Variants in FBXO36 observed in about 807,000 individuals in gnomAD.
The protein encoded by FBXO36 is F-box only protein 36.
FBXO36 carries 18 observed loss-of-function variants against 17.0 expected under a neutral mutation model. The ratio of observed to expected loss-of-function variants is 1.06; its 90% CI spans 0.73 to 1.57. FBXO36 has a LOEUF of 1.57. FBXO36 is among the 40% of genes most tolerant of loss of function. The pLI is 0.00. For synonymous variants in FBXO36, 83 were observed against 85.3 expected (o/e 0.97, Z 0.15); for missense variants, 229 against 221.9 (o/e 1.03, Z -0.20).
In FBXO36 at chr2:229,987,992, C is replaced by T. The variant is rs574472251; in HGVS notation, c.206-8759C>T. 2.0e-5 allele frequency among the ~76,000 whole-genome samples: 3 copies of T among 152,290 alleles called. No individual in the cohort carries two copies. The South Asian group carries it at 6.2e-4, about 32-fold the overall frequency. On this transcript the variant is annotated intron_variant, in intron 2 of 3. Coordinates refer to ENST00000283946, the MANE Select transcript of FBXO36 (RefSeq NM_174899.5). ...AAATTTTCTTTAACTGCTGCTTTACCTACATAGACAAGTTTTGATAACTTG... is the reference window on the plus strand; with the variant it reads ...AAATTTTCTTTAACTGCTGCTTTACTTACATAGACAAGTTTTGATAACTTG...
intron 1 of FBXO36, among the ~76,000 whole-genome samples, chr2:229,947,094 G>A (rs986137908): frequency 1.3e-5 from 2 of 151,076 alleles, no homozygotes; most frequent in African/African-American, 4.9e-5. Flanking sequence ...CTTGAACCCG[G>A]GAGGCGGAGG....
At chr2:230,004,945 G>T (rs1270920025) in intron 3 of FBXO36, among the ~76,000 whole-genome samples, 1 of 152,100 alleles carries the variant, frequency 6.6e-6, no homozygotes, top group African/African-American at 2.4e-5. Context: ...GGCAGAGTTT[G>T]CAGTGAGCCG....
In FBXO36 at chr2:230,012,408, G is replaced by A. The variant is rs962565429; in HGVS notation, c.*1524G>A. 2.0e-5 allele frequency: 3 copies of A among 146,944 alleles called. No individual in the cohort carries two copies. The highest frequency in any genetic ancestry group is 7.3e-5 in the African/African-American group (3 of 41,080). 9.1% of individuals were successfully genotyped at this position (146,944 alleles called of 1,614,324 possible). ...CCCTCTCTGCTTCTCATTGCTGGAG[G>A]TACACACAGTCAAAAGTTTTCCGTG... On this transcript the variant is annotated 3_prime_UTR_variant, in exon 4 of 4. Coordinates refer to ENST00000283946, the MANE Select transcript of FBXO36 (RefSeq NM_174899.5).
At chr2:229,958,164 T>TA (rs1167894281) in intron 1 of FBXO36, among the ~76,000 whole-genome samples, 46 of 149,388 alleles carry the variant, frequency 3.1e-4, no homozygotes, top group Non-Finnish European at 5.6e-4. Context: ...TAATGCAAAT[T>TA]AAAAAAAAAA....
intron 3 of FBXO36, among the ~76,000 whole-genome samples, chr2:230,004,591 G>A (rs955175316): frequency 1.3e-5 from 2 of 152,256 alleles, no homozygotes; most frequent in Middle Eastern, 3.4e-3. Flanking sequence ...CCATATGTGT[G>A]TGGGATGTGC....
Position 229,987,081 on chromosome 2 carries a change from G to A in FBXO36, c.206-9670G>A, listed in dbSNP as rs186081660. Among the ~76,000 whole-genome samples, 622 of 151,634 alleles carry A rather than the reference G, an allele frequency of 4.1e-3. 7 individuals carry two copies. The highest frequency in any genetic ancestry group is 0.013 in the African/African-American group (545 of 41,348). On this transcript the variant is annotated intron_variant, in intron 2 of 3. Transcript: ENST00000283946. ...AAAAATATAAAAAAATTAGCCAGGCGTGTTGGCGCACAACTGTAATCCCAG... is the reference window on the plus strand; with the variant it reads ...AAAAATATAAAAAAATTAGCCAGGCATGTTGGCGCACAACTGTAATCCCAG...
chr2:229,937,432 T>G (rs1012595780), intron 1 of FBXO36, among the ~76,000 whole-genome samples: 2 of 151,978 alleles, frequency 1.3e-5, no homozygotes, highest in African/African-American at 4.8e-5. Context: ...GAGGCGGAGG[T>G]TGCAGTGAGC....
intron 1 of FBXO36, among the ~76,000 whole-genome samples, chr2:229,963,359 C>T (rs1001293908): frequency 2.6e-5 from 4 of 151,772 alleles, no homozygotes; most frequent in Admixed American, 1.3e-4. Flanking sequence ...CGACCGTGCC[C>T]GGCCCCCCAG....
At chr2:229,980,574 C>T (rs953984063) in intron 2 of FBXO36, among the ~76,000 whole-genome samples, 1 of 152,060 alleles carries the variant, frequency 6.6e-6, no homozygotes, top group Non-Finnish European at 1.5e-5. Flanking sequence ...CTGCTCCAGG[C>T]ACCTTCCAAG....
At chr2:229,943,121 C>T (rs890692993) in intron 1 of FBXO36, 1 of 152,274 alleles carries the variant, frequency 6.6e-6, no homozygotes, top group Admixed American at 6.5e-5. Context: ...AACCAGGGTC[C>T]AGCAGTCATG....
intron 1 of FBXO36, among the ~76,000 whole-genome samples, chr2:229,958,988 G>A (rs1292553824): frequency 6.6e-6 from 1 of 152,070 alleles, no homozygotes; most frequent in African/African-American, 2.4e-5. Context: ...AAGTCCTTGG[G>A]CCGGAATGTC....
chr2:229,983,741 T>C (rs1445676394), intron 2 of FBXO36, among the ~76,000 whole-genome samples: 2 of 152,254 alleles, frequency 1.3e-5, no homozygotes, highest in Non-Finnish European at 2.9e-5. Flanking sequence ...ATTCCAATCC[T>C]GGCCCTAAAC....
intron 1 of FBXO36, among the ~76,000 whole-genome samples, chr2:229,924,090 ATTTG>A (rs1316407049): frequency 3.2e-4 from 43 of 136,258 alleles, no homozygotes; most frequent in African/African-American, 9.8e-4. Context: ...TTGTTTTAAG[ATTTG>A]TTTGTTTATT....
chr2:229,923,880 G>A (rs1180076394), intron 1 of FBXO36, among the ~76,000 whole-genome samples: 1 of 115,588 alleles, frequency 8.7e-6, no homozygotes, highest in African/African-American at 3.4e-5. Flanking sequence ...TTGAGACGGA[G>A]TCTCGCTCTG....
At chr2:229,977,646 CACCA>C (rs2077216416) in intron 2 of FBXO36, among the ~76,000 whole-genome samples, 1 of 152,006 alleles carries the variant, frequency 6.6e-6, no homozygotes, top group Non-Finnish European at 1.5e-5. Context: ...GATGAGGTTT[CACCA>C]TGTTGGCCAG....
At chr2:229,925,030 C>G (rs1251887921) in intron 1 of FBXO36, among the ~76,000 whole-genome samples, 1 of 151,948 alleles carries the variant, frequency 6.6e-6, no homozygotes, top group East Asian at 1.9e-4. Flanking sequence ...GCGCCCGGCC[C>G]TAACTACTCT....
At chr2:229,960,883 C>T (rs907198363) in intron 1 of FBXO36, among the ~76,000 whole-genome samples, 13 of 152,182 alleles carry the variant, frequency 8.5e-5, no homozygotes, top group South Asian at 6.2e-4. Context: ...CCAAGGCGGG[C>T]GGATCACCTG....
chr2:229,923,898 G>C (rs1205645604), intron 1 of FBXO36, among the ~76,000 whole-genome samples: 1 of 137,876 alleles, frequency 7.3e-6, no homozygotes, highest in Non-Finnish European at 1.5e-5. Flanking sequence ...CTGTCGCCAG[G>C]CTGGAGTGCA....
intron 1 of FBXO36, among the ~76,000 whole-genome samples, chr2:229,956,619 C>G (rs944352723): frequency 2.0e-5 from 3 of 152,186 alleles, no homozygotes; most frequent in Non-Finnish European, 4.4e-5. Context: ...AACCTTTGGT[C>G]TTCTTTCCTG....
Sources: allele counts gnomAD v4.1 joint callset (sites outside exome capture counted in the v4.1 genomes callset), GRCh38; gene constraint gnomAD v4.1.1; transcripts MANE v1.5; gene names NCBI Gene and HGNC (gene_info 2026-07-23, HGNC 2026-07-21).